The following RPS3 variants were observed in gnomAD, a reference collection of about 807,000 sequenced individuals.
RPS3 encodes small ribosomal subunit protein uS3.
A neutral mutation model predicts 25.8 loss-of-function variants in RPS3; 2 were observed. The ratio of observed to expected loss-of-function variants is 0.08; its 90% CI spans 0.03 to 0.24. RPS3 has a LOEUF of 0.24. Among genes scored for constraint, RPS3 ranks in the 10% least tolerant of loss-of-function variants. The pLI, the probability that RPS3 is intolerant of heterozygous loss-of-function variation, is 1.00. For synonymous variants in RPS3, 114 were observed against 114.2 expected (o/e 1.00, Z 0.01); for missense variants, 107 against 307.1 (o/e 0.35, Z 4.87).
intron 6 of RPS3, among the ~76,000 whole-genome samples, chr11:75,413,267 G>T (rs868010566): frequency 6.7e-6 from 1 of 149,732 alleles, no homozygotes; most frequent in African/African-American, 2.5e-5. Flanking sequence ...TTTTGAGACA[G>T]TCTCACTCTG....
chr11:75,420,825 A>C (rs1948437078), intron 6 of RPS3, among the ~76,000 whole-genome samples: 1 of 151,974 alleles, frequency 6.6e-6, no homozygotes. Flanking sequence ...AGGAAGGGGC[A>C]CAAGGAGAAG....
chr11:75,417,072 C>T (rs1411528744), intron 6 of RPS3, among the ~76,000 whole-genome samples: 4 of 152,178 alleles, frequency 2.6e-5, no homozygotes, highest in South Asian at 2.1e-4. Flanking sequence ...AACATTTAAT[C>T]TTCCTGACAT....
chr11:75,402,219 C>T lies in RPS3; in HGVS notation c.256-133C>T, dbSNP rs565339976. 53 of 1,352,950 alleles carry T rather than the reference C, an allele frequency of 3.9e-5. 2 individuals are homozygous for T. In the South Asian group the frequency reaches 6.7e-4, roughly 17 times the overall value. The allele number at this position is 1,352,950 out of a possible 1,614,324, so 83.8% of individuals were successfully genotyped here. A position where few individuals can be genotyped will look rare whatever the true frequency, so the allele number is the denominator to read the frequency against. Reference sequence around the variant, plus strand: ...GTTGGGCCACAATCAAAGCCATCTCCTGGGCAGCATGCGGCCCGTGGGTTG... The same window carrying T: ...GTTGGGCCACAATCAAAGCCATCTCTTGGGCAGCATGCGGCCCGTGGGTTG... On this transcript the variant is annotated intron_variant, in intron 3 of 6. Transcript: ENST00000531188.
At chr11:75,420,078 A>C (rs1337250279) in intron 6 of RPS3, among the ~76,000 whole-genome samples, 1 of 152,174 alleles carries the variant, frequency 6.6e-6, no homozygotes, top group Non-Finnish European at 1.5e-5. Flanking sequence ...TCAACAAGGG[A>C]GCGAACGGCA....
intron 6 of RPS3, among the ~76,000 whole-genome samples, chr11:75,417,753 AG>A (rs1948411349): frequency 6.6e-6 from 1 of 152,232 alleles, no homozygotes; most frequent in Non-Finnish European, 1.5e-5. Flanking sequence ...CCCTTCCCAG[AG>A]TCACAGCCCC....
chr11:75,417,300 T>G (rs1948407800), intron 6 of RPS3, among the ~76,000 whole-genome samples: 1 of 151,930 alleles, frequency 6.6e-6, no homozygotes, highest in South Asian at 2.1e-4. Flanking sequence ...CCAGACTCCA[T>G]CTCTTAAAAA....
At chr11:75,418,508 T>A (rs12274327) in intron 6 of RPS3, among the ~76,000 whole-genome samples, 12 of 152,172 alleles carry the variant, frequency 7.9e-5, no homozygotes, top group African/African-American at 1.9e-4. Context: ...AAAAATTTTT[T>A]AAAAAATAAA....
chr11:75,408,864 A>G (rs112163721), downstream of RPS3, among the ~76,000 whole-genome samples: 2 of 152,182 alleles, frequency 1.3e-5, no homozygotes, highest in East Asian at 3.9e-4. Flanking sequence ...ACAGAAAACT[A>G]TGTAAGACAA....
chr11:75,415,760 C>T (rs565482749), intron 6 of RPS3, among the ~76,000 whole-genome samples: 200 of 146,792 alleles, frequency 1.4e-3, no homozygotes, highest in African/African-American at 4.6e-3. Flanking sequence ...GAGCCGATAT[C>T]GTGCCACTGC....
rs1416994645 is a variant in RPS3 at position 75,406,366 on chromosome 11, C to G, written c.*756C>G. On this transcript the variant is annotated 3_prime_UTR_variant, in exon 7 of 7. Coordinates refer to ENST00000531188, the MANE Select transcript of RPS3 (RefSeq NM_001005.5). ...ACAGGTTGGCTTGAAAATCATGAGACTGTTGTTAAATCAGATGCTGGTTGA... is the reference window on the plus strand; with the variant it reads ...ACAGGTTGGCTTGAAAATCATGAGAGTGTTGTTAAATCAGATGCTGGTTGA... 1 of 152,190 alleles carries G rather than the reference C, an allele frequency of 6.6e-6. No individual in the cohort carries two copies. The highest frequency in any genetic ancestry group is 1.5e-5 in the Non-Finnish European group (1 of 68,040). 9.4% of individuals were successfully genotyped at this position (152,190 alleles called of 1,614,324 possible).
intron 6 of RPS3, among the ~76,000 whole-genome samples, chr11:75,412,663 G>A (rs1269726232): frequency 1.3e-5 from 2 of 152,238 alleles, no homozygotes; most frequent in Non-Finnish European, 2.9e-5. Context: ...CCAAGGCTGA[G>A]GGCCAGGGGT....
intron 6 of RPS3, among the ~76,000 whole-genome samples, chr11:75,416,306 A>G (rs1948397980): frequency 6.6e-6 from 1 of 152,138 alleles, no homozygotes; most frequent in Admixed American, 6.5e-5. Flanking sequence ...GATTCTCCCC[A>G]TCCCAACTGT....
In RPS3 at chr11:75,405,910, G is replaced by C. The variant is rs1046125416; in HGVS notation, c.*300G>C. 1.8e-5 allele frequency: 4 copies of C among 225,528 alleles called. No individual in the cohort carries two copies. The highest frequency in any genetic ancestry group is 1.1e-4 in the Admixed American group (2 of 18,484). 14.0% of individuals were successfully genotyped at this position (225,528 alleles called of 1,614,324 possible). A position where few individuals can be genotyped will look rare whatever the true frequency, so the allele number is the denominator to read the frequency against. ...GTTGTCCTGTAGTTCAGGATTGTAG[G>C]TTTAGAAGAGGGATATGTTTGAGTT... On this transcript the variant is annotated 3_prime_UTR_variant, in exon 7 of 7. Coordinates refer to ENST00000531188, the MANE Select transcript of RPS3 (RefSeq NM_001005.5).
At chr11:75,407,171 T>C (rs115982015), downstream of RPS3, among the ~76,000 whole-genome samples, 866 of 152,332 alleles carry the variant, frequency 5.7e-3, 8 homozygotes, top group African/African-American at 0.02. Context: ...GGAGTTTTGC[T>C]CTTGTGTGCC....
downstream of RPS3, among the ~76,000 whole-genome samples, chr11:75,408,472 C>CA (rs60447819): frequency 2.8e-5 from 4 of 143,138 alleles, no homozygotes; most frequent in African/African-American, 9.8e-5. Flanking sequence ...GACCCTGTCT[C>CA]AAAAAAATAA....
chr11:75,400,612 T>G, intron 1 of RPS3, 82 bp from the exon 2 acceptor site: 1 of 1,579,790 alleles, frequency 6.3e-7, no homozygotes, highest in Non-Finnish European at 8.6e-7. Context: ...AGGGATGCAT[T>G]GACTAATAAG....
intron 6 of RPS3, chr11:75,405,232 A>C (rs995039940): frequency 3.2e-5 from 6 of 190,100 alleles, no homozygotes; most frequent in Non-Finnish European, 3.3e-5. Flanking sequence ...ACCTGCCACC[A>C]AGCCCAGCTA....
At chr11:75,417,575 T>C (rs552447328) in intron 6 of RPS3, among the ~76,000 whole-genome samples, 9 of 152,136 alleles carry the variant, frequency 5.9e-5, no homozygotes, top group Admixed American at 2.0e-4. Context: ...CCAGCCTGGG[T>C]GACAGAGTGA....
chr11:75,421,364 T>C (rs73006119), intron 6 of RPS3, among the ~76,000 whole-genome samples: 2,345 of 152,302 alleles, frequency 0.015, 40 homozygotes, highest in South Asian at 0.03. Context: ...AAAGGCAATC[T>C]GAGTACAAAT....
Sources: gnomAD v4.1 joint callset for allele counts (sites outside exome capture counted in the v4.1 genomes callset) on GRCh38, gnomAD v4.1.1 for gene constraint, MANE v1.5 for transcripts, NCBI Gene and HGNC (gene_info 2026-07-23, HGNC 2026-07-21) for gene names.